Variants in CDCA2 observed in about 807,000 individuals in gnomAD.
CDCA2 encodes the protein cell division cycle associated 2.
A neutral mutation model predicts 67.0 loss-of-function variants in CDCA2; 44 were observed. The observed-to-expected ratio is 0.66, with a 90% CI of 0.52 to 0.84. The LOEUF (loss-of-function observed/expected upper bound fraction) is 0.84, where lower values mean the gene tolerates loss of function less well. CDCA2 is among the 40% of genes least tolerant of loss of function. CDCA2 has a pLI of 0.00. For missense variants in CDCA2, 1,253 were observed against 1,203.2 expected, an observed-to-expected ratio of 1.04 and a Z score of -0.61; for synonymous variants, 447 against 418.7, an observed-to-expected ratio of 1.07 and a Z score of -0.82.
intron 4 of CDCA2, among the ~76,000 whole-genome samples, chr8:25,465,154 C>T (rs1802850776): frequency 6.6e-6 from 1 of 151,986 alleles, no homozygotes; most frequent in Admixed American, 6.6e-5. Context: ...TTGTGTTTTT[C>T]GTAGAGACAT....
At chr8:25,482,505 A>G (rs969457686) in intron 8 of CDCA2, among the ~76,000 whole-genome samples, 2 of 152,248 alleles carry the variant, frequency 1.3e-5, no homozygotes, top group African/African-American at 4.8e-5. Flanking sequence ...CACAAAACAC[A>G]TAAAAACAAT....
Position 25,507,520 on chromosome 8 carries a change from C to A in CDCA2, c.2854C>A (p.Pro952Thr). The A allele has an allele frequency of 1.2e-6, 2 of 1,613,798 alleles. No individual in the cohort carries two copies. Among genetic ancestry groups the A allele is most frequent in the Non-Finnish European group, 1.7e-6 (2 of 1,179,934 alleles). The change falls in exon 15 of 15, where the codon CCT (proline) becomes ACT (threonine). Residue 952 changes from proline to threonine, a missense_variant. Transcript: ENST00000330560. Reference protein sequence around the residue: ...VSSRQKPQMAPPVSDPENSQG... With the variant: ...VSSRQKPQMATPVSDPENSQG... ...CTCCAGACAAAAACCGCAGATGGCA[C>A]CTCCCGTCTCAGATCCAGAAAACAG...
intron 8 of CDCA2, among the ~76,000 whole-genome samples, chr8:25,482,042 G>A (rs781048489): frequency 1.3e-5 from 2 of 152,208 alleles, no homozygotes; most frequent in Non-Finnish European, 2.9e-5. Flanking sequence ...GGATGAGTAG[G>A]TGGTGATTAA....
At chr8:25,500,086 A>G (rs1804412639) in intron 13 of CDCA2, among the ~76,000 whole-genome samples, 2 of 152,200 alleles carry the variant, frequency 1.3e-5, no homozygotes, top group South Asian at 4.1e-4. Context: ...ATGAAAAAAC[A>G]GAAATTTAGT....
At chr8:25,461,413 A>T (rs2117472728) in intron 3 of CDCA2, among the ~76,000 whole-genome samples, 1 of 152,338 alleles carries the variant, frequency 6.6e-6, no homozygotes, top group Non-Finnish European at 1.5e-5. Context: ...GGATCAGAGA[A>T]TAGCATTTAG....
At chr8:25,505,321 C>T (rs1046782558) in intron 14 of CDCA2, among the ~76,000 whole-genome samples, 1 of 152,310 alleles carries the variant, frequency 6.6e-6, no homozygotes, top group South Asian at 2.1e-4. Context: ...CCTGCTTCAG[C>T]CTCCCAGGTA....
chr8:25,468,480 T>A, intron 6 of CDCA2, 67 bp downstream of exon 6: 3 of 1,310,548 alleles, frequency 2.3e-6, no homozygotes, highest in African/African-American at 2.9e-5. Flanking sequence ...GTTTTAAGGC[T>A]GTCAGTGCCG....
intron 3 of CDCA2, among the ~76,000 whole-genome samples, chr8:25,460,913 G>C (rs999099720): frequency 6.6e-6 from 1 of 152,124 alleles, no homozygotes; most frequent in Non-Finnish European, 1.5e-5. Context: ...AAAAATAAGA[G>C]AAAGTTTAAG....
chr8:25,493,118 A>G (rs968067718), intron 13 of CDCA2, among the ~76,000 whole-genome samples: 5 of 152,230 alleles, frequency 3.3e-5, no homozygotes, highest in Admixed American at 2.0e-4. Context: ...CATCATTATC[A>G]TGAGACATTC....
chr8:25,460,592 G>C (rs767364161), intron 3 of CDCA2, 38 bp downstream of exon 3: 1 of 1,574,854 alleles, frequency 6.3e-7, no homozygotes, highest in East Asian at 2.2e-5. Context: ...TGCTTTTCAA[G>C]TTTAAAAATA....
At position 25,507,192 on chromosome 8, in the gene CDCA2, A is replaced by G; in HGVS notation, c.2526A>G (p.Leu842=). 6.2e-7 allele frequency: 1 copy of G among 1,614,202 alleles called. No individual in the cohort carries two copies. The highest frequency in any genetic ancestry group is 8.5e-7 in the Non-Finnish European group (1 of 1,180,036). The change falls in exon 15 of 15, where the codon TTA becomes TTG. Residue 842 remains leucine (L), a synonymous_variant. Transcript: ENST00000330560. ...TGTGTTATTCTGATGGTCGAAGTTT[A>G]CATTTGGAAAAAAATGGAAATCACA... ...RSMCYSDGRS[L]HLEKNGNHTP... is the part of the protein sequence containing the mutation.
chr8:25,463,565 C>T (rs1586460910), intron 4 of CDCA2, among the ~76,000 whole-genome samples: 1 of 151,770 alleles, frequency 6.6e-6, no homozygotes, highest in East Asian at 1.9e-4. Context: ...TTACTATAGA[C>T]TTTGTATCAT....
Position 25,507,599 on chromosome 8 carries a change from T to C in CDCA2, c.2933T>C (p.Phe978Ser). The C allele has an allele frequency of 6.2e-7, 1 of 1,614,076 alleles. No individual in the cohort carries two copies. The highest frequency in any genetic ancestry group is 1.1e-5 in the South Asian group (1 of 91,068). Reference sequence around the variant, plus strand: ...GAACCTGGTAAGAGGAGGAAGAGCTTTTGTATATCTACACTTGCAAATACT... The same window carrying C: ...GAACCTGGTAAGAGGAGGAAGAGCTCTTGTATATCTACACTTGCAAATACT... ...SDEPGKRRKS[F>S]CISTLANTKA... Residue 978 changes from phenylalanine (F) to serine (S), a missense_variant, in exon 15 of 15, where the codon TTT (phenylalanine) becomes TCT (serine). Physicochemically the swap from Phe to Ser is radical, Grantham distance 155. Transcript: ENST00000330560.
At chr8:25,465,835 G>T (rs1395814774) in intron 4 of CDCA2, among the ~76,000 whole-genome samples, 3 of 152,172 alleles carry the variant, frequency 2.0e-5, no homozygotes, top group Non-Finnish European at 4.4e-5. Flanking sequence ...CATGCAGATG[G>T]CTTCCTATGG....
At chr8:25,467,690 A>G (rs1170074454) in intron 5 of CDCA2, among the ~76,000 whole-genome samples, 5 of 152,218 alleles carry the variant, frequency 3.3e-5, no homozygotes, top group African/African-American at 1.2e-4. Context: ...TTCTAATAAT[A>G]TGAATGTATT....
intron 13 of CDCA2, among the ~76,000 whole-genome samples, chr8:25,495,485 G>A (rs1397348224): frequency 6.6e-6 from 1 of 151,960 alleles, no homozygotes; most frequent in East Asian, 1.9e-4. Context: ...CGTGAGCTCG[G>A]CTCACTGCAA....
intron 13 of CDCA2, among the ~76,000 whole-genome samples, chr8:25,493,170 T>G (rs1427028118): frequency 6.6e-6 from 1 of 152,170 alleles, no homozygotes; most frequent in Non-Finnish European, 1.5e-5. Flanking sequence ...AATAGAAATA[T>G]AAAAGTTCAA....
At chr8:25,465,221 ACCTTGGCCTCC>A in intron 4 of CDCA2, among the ~76,000 whole-genome samples, 1 of 152,104 alleles carries the variant, frequency 6.6e-6, no homozygotes, top group South Asian at 2.1e-4. Flanking sequence ...TGATCCTCCC[ACCTTGGCCTCC>A]CAAAATGCTG....
intron 3 of CDCA2, among the ~76,000 whole-genome samples, chr8:25,461,597 G>T (rs1320274342): frequency 2.6e-5 from 4 of 152,170 alleles, no homozygotes; most frequent in Non-Finnish European, 5.9e-5. Context: ...ATTCAGGGTA[G>T]TGCTGATGGT....
Sources: gnomAD v4.1 joint callset for allele counts (sites outside exome capture counted in the v4.1 genomes callset) on GRCh38, gnomAD v4.1.1 for gene constraint, MANE v1.5 for transcripts, NCBI Gene and HGNC (gene_info 2026-07-23, HGNC 2026-07-21) for gene names.